Variants in CLVS2 observed in about 807,000 individuals in gnomAD.
CLVS2 encodes the protein clavesin 2.
Under a neutral mutation model 29.0 loss-of-function variants are expected in CLVS2, and 19 were observed. The observed-to-expected ratio is 0.66, with a 90% CI of 0.46 to 0.96. The LOEUF is 0.96. CLVS2 is among the 40% of genes least tolerant of loss of function. The pLI is 0.00. For synonymous variants in CLVS2, 161 were observed against 151.3 expected (o/e 1.06, Z -0.47); for missense variants, 294 against 404.1 (o/e 0.73, Z 2.34).
At chr6:123,004,960 A>C (rs1774645668) in intron 2 of CLVS2, among the ~76,000 whole-genome samples, 1 of 151,918 alleles carries the variant, frequency 6.6e-6, no homozygotes, top group African/African-American at 2.4e-5. Flanking sequence ...CAAAAAAAAA[A>C]AAAACCAATT....
chr6:123,067,717 T>C lies in CLVS2; in HGVS notation c.*3956T>C, dbSNP rs1268684056. 6.6e-6 allele frequency: 1 copy of C among 151,736 alleles called. No homozygotes were observed. Among genetic ancestry groups the C allele is most frequent in the Non-Finnish European group, 1.5e-5 (1 of 67,738 alleles). 9.4% of individuals were successfully genotyped at this position (151,736 alleles called of 1,614,324 possible). On this transcript the variant is annotated 3_prime_UTR_variant, in exon 6 of 6. Transcript: ENST00000275162. ...TATAAATACATAGCCTGAAACATAG[T>C]AATGCATTTGAAATTTGTGAGGTCA...
chr6:123,027,490 A>G (rs901524500), intron 3 of CLVS2, among the ~76,000 whole-genome samples: 2 of 152,118 alleles, frequency 1.3e-5, no homozygotes, highest in Non-Finnish European at 2.9e-5. Flanking sequence ...ATCCTCATTT[A>G]AATCTGTTTC....
intron 4 of CLVS2, 135 bp downstream of exon 4, chr6:123,048,867 G>T (rs4624884): frequency 0.25 from 144,575 of 587,892 alleles, 22,684 homozygotes; most frequent in East Asian, 0.68. Context: ...GACATTTTAA[G>T]ATTCTTCCAG....
chr6:123,023,111 G>A (rs1165450556), intron 3 of CLVS2, among the ~76,000 whole-genome samples: 3 of 152,076 alleles, frequency 2.0e-5, no homozygotes, highest in African/African-American at 7.2e-5. Flanking sequence ...AAGAGTAAAA[G>A]TAACTTAAAC....
At chr6:123,037,079 T>A (rs1582656941) in intron 3 of CLVS2, among the ~76,000 whole-genome samples, 1 of 152,178 alleles carries the variant, frequency 6.6e-6, no homozygotes, top group Non-Finnish European at 1.5e-5. Flanking sequence ...TTTTTTTCTG[T>A]GTTTTTGCTT....
intron 3 of CLVS2, among the ~76,000 whole-genome samples, chr6:123,029,780 A>G (rs1464102881): frequency 6.6e-6 from 1 of 152,196 alleles, no homozygotes; most frequent in Non-Finnish European, 1.5e-5. Context: ...AGATATTATA[A>G]CAGTAGCAAC....
In CLVS2 at chr6:123,067,600, C is replaced by T. The variant is rs1395660126; in HGVS notation, c.*3839C>T. 1 of 151,722 alleles carries T rather than the reference C, an allele frequency of 6.6e-6. No homozygotes were observed. The highest frequency in any genetic ancestry group is 1.5e-5 in the Non-Finnish European group (1 of 67,728). The allele number at this position is 151,722 out of a possible 1,614,324, so 9.4% of individuals were successfully genotyped here. ...AACACACTAAATAAAATGAGCAGAG[C>T]TCTAGCATGATATTTGAACTTTCAG... is the stretch of plus-strand genomic sequence containing the variant. On this transcript the variant is annotated 3_prime_UTR_variant, in exon 6 of 6. Coordinates refer to ENST00000275162, the MANE Select transcript of CLVS2 (RefSeq NM_001010852.4).
rs1315890744 is a variant in CLVS2 at position 123,065,907 on chromosome 6, T to C, written c.*2146T>C. ...AGTTAGTGTCATATATAAAAATAACTAGAAAGGCATATTTTATATGTATGC... is the reference window on the plus strand; with the variant it reads ...AGTTAGTGTCATATATAAAAATAACCAGAAAGGCATATTTTATATGTATGC... On this transcript the variant is annotated 3_prime_UTR_variant, in exon 6 of 6. Transcript: ENST00000275162. 3.3e-5 allele frequency: 5 copies of C among 151,712 alleles called. No homozygotes were observed. Among genetic ancestry groups the C allele is most frequent in the Non-Finnish European group, 5.9e-5 (4 of 67,728 alleles). 9.4% of individuals were successfully genotyped at this position (151,712 alleles called of 1,614,324 possible).
intron 2 of CLVS2, among the ~76,000 whole-genome samples, chr6:123,002,267 C>T (rs1277302525): frequency 6.6e-6 from 1 of 152,112 alleles, no homozygotes; most frequent in Admixed American, 6.6e-5. Flanking sequence ...AGTAGCGAAG[C>T]TCTGGAAGGG....
chr6:123,066,484 G>T lies in CLVS2; in HGVS notation c.*2723G>T, dbSNP rs1056907766. On this transcript the variant is annotated 3_prime_UTR_variant, in exon 6 of 6. Transcript: ENST00000275162. ...TCACTTGAAATTTGCGGGCTTCAAA[G>T]AATTATCGCATTTGACTTGGAATGG... The T allele has an allele frequency of 2.0e-5, 3 of 151,710 alleles. No homozygotes were observed. The highest frequency in any genetic ancestry group is 3.0e-5 in the Non-Finnish European group (2 of 67,782). The allele number at this position is 151,710 out of a possible 1,614,324, so 9.4% of individuals were successfully genotyped here.
chr6:123,029,763 CAG>C (rs1016679431), intron 3 of CLVS2, among the ~76,000 whole-genome samples: 1 of 152,038 alleles, frequency 6.6e-6, no homozygotes, highest in Non-Finnish European at 1.5e-5. Context: ...ATGTATTAAA[CAG>C]GGGAAGATAT....
At chr6:123,004,965 C>A (rs971089230) in intron 2 of CLVS2, among the ~76,000 whole-genome samples, 3 of 136,744 alleles carry the variant, frequency 2.2e-5, no homozygotes, top group Non-Finnish European at 4.8e-5. Context: ...AAAAAAAAAA[C>A]CAATTATCTA....
chr6:122,997,638 A>C lies in CLVS2; in HGVS notation c.-140A>C. 5.2e-6 allele frequency: 4 copies of C among 765,084 alleles called. No individual in the cohort carries two copies. Among genetic ancestry groups the C allele is most frequent in the Non-Finnish European group, 8.4e-6 (4 of 478,428 alleles). 47.4% of individuals were successfully genotyped at this position (765,084 alleles called of 1,614,324 possible). ...GCAACAGGGCACTTGATTGGACACC[A>C]AGATTATTAATTTCCTGTAGGGGAG... On this transcript the variant is annotated 5_prime_UTR_variant, in exon 2 of 6. Transcript: ENST00000275162.
intron 3 of CLVS2, among the ~76,000 whole-genome samples, chr6:123,036,528 C>G (rs1775156503): frequency 6.6e-6 from 1 of 151,928 alleles, no homozygotes; most frequent in South Asian, 2.1e-4. Context: ...GGTAATGATC[C>G]CAAGCTGAAC....
chr6:123,021,028 T>C (rs1395977850), intron 3 of CLVS2, among the ~76,000 whole-genome samples: 2 of 148,614 alleles, frequency 1.3e-5, no homozygotes, highest in Non-Finnish European at 3.0e-5. Flanking sequence ...GCTTTTGTCA[T>C]TGTTCACTTA....
At chr6:123,012,992 A>G (rs1774772971) in intron 3 of CLVS2, among the ~76,000 whole-genome samples, 1 of 152,048 alleles carries the variant, frequency 6.6e-6, no homozygotes, top group South Asian at 2.1e-4. Flanking sequence ...AATTACATCT[A>G]TACCTATGTC....
Position 122,997,557 on chromosome 6 carries a change from C to A in CLVS2, c.-221C>A. The A allele has an allele frequency of 1.7e-6, 1 of 589,276 alleles. No individual in the cohort carries two copies. Among genetic ancestry groups the A allele is most frequent in the East Asian group, 2.9e-5 (1 of 34,690 alleles). 36.5% of individuals were successfully genotyped at this position (589,276 alleles called of 1,614,324 possible). A position where few individuals can be genotyped will look rare whatever the true frequency, so the allele number is the denominator to read the frequency against. On this transcript the variant is annotated 5_prime_UTR_variant, in exon 2 of 6. Transcript: ENST00000275162. The stretch of plus-strand genomic sequence containing the variant: ...AAGTAGGGTGTTGTATTTTAGGGGG[C>A]AGAGGAAGAAGTTTACACCCCCCGG...
At chr6:123,045,546 T>C (rs564579148) in intron 3 of CLVS2, among the ~76,000 whole-genome samples, 1 of 152,070 alleles carries the variant, frequency 6.6e-6, no homozygotes, top group East Asian at 1.9e-4. Context: ...AACAAAAAGG[T>C]GACTGCTGCC....
chr6:123,055,996 A>G lies in CLVS2; in HGVS notation c.866A>G (p.Glu289Gly). 6.2e-7 allele frequency: 1 copy of G among 1,613,720 alleles called. No homozygotes were observed. The highest frequency in any genetic ancestry group is 8.5e-7 in the Non-Finnish European group (1 of 1,179,802). Reference protein sequence around the residue: ...DSYSMPVKEVEKELSPKSMKR... With the variant: ...DSYSMPVKEVGKELSPKSMKR... Reference sequence around the variant, plus strand: ...TACAGCATGCCTGTGAAGGAAGTAGAGAAGGAACTCTCCCCAAAGTCCATG... The same window carrying G: ...TACAGCATGCCTGTGAAGGAAGTAGGGAAGGAACTCTCCCCAAAGTCCATG... The change falls in exon 5 of 6, where the codon GAG (glutamate) becomes GGG (glycine). Residue 289 changes from glutamate to glycine, a missense_variant. Physicochemically the swap from Glu to Gly is moderately conservative, Grantham distance 98. This residue lies in a region of CLVS2 where 82 missense variants were observed against 67.8 expected (regional missense o/e 1.21). Coordinates refer to ENST00000275162, the MANE Select transcript of CLVS2 (RefSeq NM_001010852.4).
Sources: gnomAD v4.1 joint callset for allele counts (sites outside exome capture counted in the v4.1 genomes callset) on GRCh38, gnomAD v4.1.1 for gene constraint, gnomAD v4.1.1 regional missense constraint, MANE v1.5 for transcripts, NCBI Gene and HGNC (gene_info 2026-07-23, HGNC 2026-07-21) for gene names.